Variants in ABLIM1 observed in about 807,000 individuals in gnomAD.
ABLIM1 encodes the protein actin-binding LIM protein 1.
A neutral mutation model predicts 107.0 loss-of-function variants in ABLIM1; 40 were observed. That is an observed-to-expected ratio of 0.37 (90% CI 0.29 to 0.49). The LOEUF is 0.49. Ranked by LOEUF, ABLIM1 falls within the 20% of genes least tolerant of loss-of-function variation. The pLI, the probability that ABLIM1 is intolerant of heterozygous loss-of-function variation, is 0.97. For missense variants in ABLIM1, 857 were observed against 1,008.5 expected (o/e 0.85, Z 2.04); for synonymous variants, 357 against 357.3 (o/e 1.00, Z 0.01).
intron 6 of ABLIM1, among the ~76,000 whole-genome samples, chr10:114,528,801 C>A (rs1427188538): frequency 6.6e-6 from 1 of 152,138 alleles, no homozygotes; most frequent in African/African-American, 2.4e-5. Flanking sequence ...TTTAAGTGCA[C>A]AATACAGTAT....
chr10:114,511,476 A>G lies in ABLIM1; in HGVS notation c.895-19598T>C, dbSNP rs553355033. Among the ~76,000 whole-genome samples the G allele has an allele frequency of 8.6e-5, 13 of 151,652 alleles. No individual in the cohort carries two copies. In the South Asian group the frequency reaches 1.0e-3, roughly 12 times the overall value. On this transcript the variant is annotated intron_variant, in intron 6 of 22. Transcript: ENST00000533213. ...CACCTCCTAGGTTCAAGTGATTCTC[A>G]TGCCTCAGCCTCCTGAGTAGCTGGG...
chr10:114,442,780 T>C (rs894649579), intron 17 of ABLIM1, among the ~76,000 whole-genome samples: 2 of 152,260 alleles, frequency 1.3e-5, no homozygotes, highest in African/African-American at 2.4e-5. Flanking sequence ...TCTACTTCAC[T>C]GGCATGTTGT....
At chr10:114,453,561 A>G in intron 12 of ABLIM1, 78 bp from the exon 13 acceptor site, 1 of 1,240,260 alleles carries the variant, frequency 8.1e-7, no homozygotes, top group Non-Finnish European at 1.1e-6. Context: ...TGTAATAAAA[A>G]TTCAAAACAA....
intron 1 of ABLIM1, among the ~76,000 whole-genome samples, chr10:114,743,512 T>C (rs1403255256): frequency 6.6e-6 from 1 of 152,230 alleles, no homozygotes; most frequent in Non-Finnish European, 1.5e-5. Context: ...AACTCAATTT[T>C]AAATCAGTCC....
chr10:114,670,064 C>T (rs1444405434), intron 1 of ABLIM1, among the ~76,000 whole-genome samples: 2 of 152,102 alleles, frequency 1.3e-5, no homozygotes, highest in South Asian at 2.1e-4. Context: ...CTAGTACCTC[C>T]TTGAAGGCCC....
intron 4 of ABLIM1, among the ~76,000 whole-genome samples, chr10:114,550,162 A>G (rs1186544225): frequency 6.6e-6 from 1 of 152,192 alleles, no homozygotes; most frequent in Non-Finnish European, 1.5e-5. Context: ...TTAGATGGTC[A>G]TATGCATATG....
Position 114,664,816 on chromosome 10 carries a change from T to C in ABLIM1, c.64+19474A>G, listed in dbSNP as rs113855094. ...GCCTCAGCCTCCCAAAGTGTTGGGA[T>C]TACAGGTGTGAGCCACGGCCTAATG... On this transcript the variant is annotated intron_variant, in intron 1 of 23. Coordinates refer to the ABLIM1 transcript ENST00000369256. Among the ~76,000 whole-genome samples, 1,103 of 150,512 alleles carry C rather than the reference T, an allele frequency of 7.3e-3. 13 individuals are homozygous for C. Among genetic ancestry groups the C allele is most frequent in the African/African-American group, 0.025 (1,019 of 41,124 alleles).
chr10:114,684,629 C>A, exon 1 of ABLIM1: 1 of 1,208,858 alleles, frequency 8.3e-7, no homozygotes, highest in Non-Finnish European at 1.0e-6. Context: ...AAAGAGACCC[C>A]TTGCAAAAGC....
intron 6 of ABLIM1, among the ~76,000 whole-genome samples, chr10:114,541,339 A>T (rs2066631037): frequency 6.6e-6 from 1 of 152,182 alleles, no homozygotes; most frequent in African/African-American, 2.4e-5. Context: ...ACAGAAAACT[A>T]ATACATTTGT....
upstream of ABLIM1, among the ~76,000 whole-genome samples, chr10:114,768,556 G>C (rs1182562866): frequency 6.6e-6 from 1 of 152,146 alleles, no homozygotes; most frequent in Non-Finnish European, 1.5e-5. Flanking sequence ...CTTGACAGGA[G>C]AGCGAAGACC....
intron 6 of ABLIM1, among the ~76,000 whole-genome samples, chr10:114,518,547 C>T (rs74158016): frequency 0.3 from 46,015 of 151,488 alleles, 7,546 homozygotes; most frequent in East Asian, 0.57. Flanking sequence ...AGAATGTTTA[C>T]TTTTTACCTG....
intron 1 of ABLIM1, among the ~76,000 whole-genome samples, chr10:114,674,415 G>T (rs1375449590): frequency 6.6e-6 from 1 of 152,042 alleles, no homozygotes; most frequent in Non-Finnish European, 1.5e-5. Flanking sequence ...CTGTAAAAAT[G>T]TTTCATATTC....
At chr10:114,717,997 A>AGGAC (rs1375698631) in intron 1 of ABLIM1, among the ~76,000 whole-genome samples, 31 of 120,042 alleles carry the variant, frequency 2.6e-4, no homozygotes, top group African/African-American at 1.0e-3. Flanking sequence ...AAAGAAAGGA[A>AGGAC]GGAAGGAAGG....
chr10:114,530,290 A>G (rs2065311773), intron 6 of ABLIM1, among the ~76,000 whole-genome samples: 1 of 152,152 alleles, frequency 6.6e-6, no homozygotes, highest in Admixed American at 6.5e-5. Flanking sequence ...GAGCTGATAT[A>G]AAAGCCACAC....
intron 1 of ABLIM1, among the ~76,000 whole-genome samples, chr10:114,614,977 G>C (rs12359503): frequency 0.085 from 12,942 of 151,572 alleles, 697 homozygotes; most frequent in Middle Eastern, 0.12. Context: ...TTGAACCTGG[G>C]GGGCAGAGAT....
intron 12 of ABLIM1, among the ~76,000 whole-genome samples, chr10:114,462,230 TA>T (rs2133387395): frequency 6.6e-6 from 1 of 152,310 alleles, no homozygotes; most frequent in African/African-American, 2.4e-5. Flanking sequence ...AGACCTGTGA[TA>T]ACATCTGTGC....
intron 14 of ABLIM1, among the ~76,000 whole-genome samples, chr10:114,449,016 A>C (rs2061466838): frequency 6.6e-6 from 1 of 152,260 alleles, no homozygotes; most frequent in South Asian, 2.1e-4. Flanking sequence ...TTTGGCATTG[A>C]AACTTATGTT....
chr10:114,707,930 AC>A lies in ABLIM1; in HGVS notation c.-213+60130del, dbSNP rs61489583. The stretch of plus-strand genomic sequence containing the variant: ...ACAAACAAACAAACAAACAACAACA[AC>A]AACAAAAAACCTAATTACCAACAGT... On this transcript the variant is annotated intron_variant, in intron 1 of 15. Coordinates refer to the ABLIM1 transcript ENST00000651092. The surrounding 1 kb of genome is among the most constrained non-coding windows in gnomAD (Gnocchi z 4.1). Among the ~76,000 whole-genome samples the A allele has an allele frequency of 0.026, 3,914 of 151,330 alleles. 157 individuals carry two copies. Among genetic ancestry groups the A allele is most frequent in the African/African-American group, 0.09 (3,684 of 41,052 alleles).
At chr10:114,526,795 C>CGA (rs2136785301) in intron 6 of ABLIM1, 1 of 985,546 alleles carries the variant, frequency 1.0e-6, no homozygotes, top group Admixed American at 6.1e-5. Context: ...CTGAGGCTCC[C>CGA]ACCTGCCTGG....
Sources: allele counts gnomAD v4.1 joint callset (sites outside exome capture counted in the v4.1 genomes callset), GRCh38; gene constraint gnomAD v4.1.1; non-coding constraint Gnocchi (gnomAD v3.1); transcripts MANE v1.5; gene names NCBI Gene and HGNC (gene_info 2026-07-23, HGNC 2026-07-21).